VAX2: variants seen among roughly 807,000 people sequenced by gnomAD.
VAX2 encodes ventral anterior homeobox 2.
VAX2 carries 8 observed loss-of-function variants against 12.5 expected under a neutral mutation model. The observed-to-expected ratio is 0.64, with a 90% CI of 0.37 to 1.15. VAX2 has a LOEUF of 1.15. VAX2 is among the 50% of genes most tolerant of loss of function. The pLI is 0.01. For missense variants in VAX2, 476 were observed against 412.9 expected, an observed-to-expected ratio of 1.15 and a Z score of -1.32; for synonymous variants, 183 against 187.6, an observed-to-expected ratio of 0.98 and a Z score of 0.20.
chr2:70,905,704 C>T (rs1463661329), intron 1 of VAX2, among the ~76,000 whole-genome samples: 2 of 152,142 alleles, frequency 1.3e-5, no homozygotes, highest in Non-Finnish European at 2.9e-5. Context: ...CAGGGATGGT[C>T]CCCCAGGTAG....
intron 1 of VAX2, among the ~76,000 whole-genome samples, chr2:70,914,803 A>AT (rs34964280): frequency 0.19 from 26,724 of 140,648 alleles, 2,537 homozygotes; most frequent in Admixed American, 0.24. Context: ...ATTTACTTAA[A>AT]TTTTTTTTTT....
rs1036666702 is a variant in VAX2 at position 70,904,331 on chromosome 2, G to A, written c.247+3463G>A. Among the ~76,000 whole-genome samples, 1 of 152,200 alleles carries A rather than the reference G, an allele frequency of 6.6e-6. No individual in the cohort carries two copies. The highest frequency in any genetic ancestry group is 1.5e-5 in the Non-Finnish European group (1 of 68,042). On this transcript the variant is annotated intron_variant, in intron 1 of 2. Coordinates refer to ENST00000234392, the MANE Select transcript of VAX2 (RefSeq NM_012476.3). This position sits in a 1 kb window ranked among gnomAD's most constrained non-coding sequence, Gnocchi z 4.2. ...TGGCCGAGCACCAGGCTTTTCGGTG[G>A]AGCTGGGATACCAGCAGGCAGAAGA...
chr2:70,927,979 C>T (rs1219892070), intron 2 of VAX2, among the ~76,000 whole-genome samples: 1 of 152,134 alleles, frequency 6.6e-6, no homozygotes, highest in African/African-American at 2.4e-5. Flanking sequence ...GGCCCCGCCA[C>T]CCTGTGAAGT....
At chr2:70,903,612 A>G (rs1014661551) in intron 1 of VAX2, among the ~76,000 whole-genome samples, 1 of 152,228 alleles carries the variant, frequency 6.6e-6, no homozygotes, top group South Asian at 2.1e-4. Context: ...CTTATCTTAA[A>G]GGACTTGCCA....
chr2:70,933,395 AGT>A lies in VAX2; in HGVS notation c.*200_*201del, dbSNP rs1225101657. 4 of 443,910 alleles carry A rather than the reference AGT, an allele frequency of 9.0e-6. No homozygotes were observed. The highest frequency in any genetic ancestry group is 7.7e-6 in the Non-Finnish European group (2 of 260,092). The allele number at this position is 443,910 out of a possible 1,614,324, so 27.5% of individuals were successfully genotyped here. A position where few individuals can be genotyped will look rare whatever the true frequency, so the allele number is the denominator to read the frequency against. On this transcript the variant is annotated 3_prime_UTR_variant, in exon 3 of 3. Coordinates refer to ENST00000234392, the MANE Select transcript of VAX2 (RefSeq NM_012476.3). ...AGCTTGTGTGCGTGAGTGCAGTGTGAGTGTGTGTGTCTCTCACTGAAATAAAA... is the reference window on the plus strand; with the variant it reads ...AGCTTGTGTGCGTGAGTGCAGTGTGAGTGTGTGTCTCTCACTGAAATAAAA...
chr2:70,930,109 G>C (rs1233557939), intron 2 of VAX2, among the ~76,000 whole-genome samples: 1 of 152,208 alleles, frequency 6.6e-6, no homozygotes, highest in Non-Finnish European at 1.5e-5. Flanking sequence ...GAGGCAAGAG[G>C]ATCACTTGAG....
chr2:70,931,216 G>A (rs1201084350), intron 2 of VAX2, among the ~76,000 whole-genome samples: 1 of 152,208 alleles, frequency 6.6e-6, no homozygotes, highest in Non-Finnish European at 1.5e-5. Context: ...TTGGGTAGTA[G>A]AGGCAGGGCC....
At chr2:70,926,747 G>A (rs1553413592) in intron 2 of VAX2, among the ~76,000 whole-genome samples, 1 of 152,164 alleles carries the variant, frequency 6.6e-6, no homozygotes, top group South Asian at 2.1e-4. Flanking sequence ...ACCAGATGAT[G>A]TGATCACCAT....
chr2:70,917,764 TTG>T (rs1679342109), intron 1 of VAX2, among the ~76,000 whole-genome samples: 1 of 152,118 alleles, frequency 6.6e-6, no homozygotes, highest in African/African-American at 2.4e-5. Flanking sequence ...CTTTTAGGTC[TTG>T]TATAAAGAGG....
chr2:70,924,564 TG>T (rs1187740754), intron 2 of VAX2, among the ~76,000 whole-genome samples: 2 of 152,100 alleles, frequency 1.3e-5, no homozygotes, highest in Non-Finnish European at 2.9e-5. Context: ...ATAGATAACT[TG>T]CTCAAGACTT....
At chr2:70,912,918 G>T (rs978044915) in intron 1 of VAX2, among the ~76,000 whole-genome samples, 4 of 146,132 alleles carry the variant, frequency 2.7e-5, no homozygotes, top group Non-Finnish European at 5.9e-5. Context: ...GACTTGAGGG[G>T]TAGCAAAATG....
chr2:70,917,257 G>A (rs1679327683), intron 1 of VAX2, among the ~76,000 whole-genome samples: 1 of 151,896 alleles, frequency 6.6e-6, no homozygotes, highest in African/African-American at 2.4e-5. Flanking sequence ...GGGAGGTGGA[G>A]GTTGCAGTGA....
chr2:70,933,200 C>T lies in VAX2; in HGVS notation c.869C>T (p.Thr290Ile), dbSNP rs1362234809. 2.0e-6 allele frequency: 3 copies of T among 1,518,012 alleles called. No individual in the cohort carries two copies. Among genetic ancestry groups the T allele is most frequent in the Non-Finnish European group, 2.6e-6 (3 of 1,133,564 alleles). 94.0% of individuals were successfully genotyped at this position (1,518,012 alleles called of 1,614,324 possible). ...GCCAGCAGCTGCAAGAAAGCTAACACTTAAGACTCCCACCCTGTGACACTG... is the reference window on the plus strand; with the variant it reads ...GCCAGCAGCTGCAAGAAAGCTAACATTTAAGACTCCCACCCTGTGACACTG... ...GSASSCKKAN[T>I] Residue 290 changes from threonine to isoleucine, a missense_variant, in exon 3 of 3, where the codon ACT (threonine) becomes ATT (isoleucine). Physicochemically the swap from Thr to Ile is moderately conservative, Grantham distance 89 (BLOSUM62 -1). Transcript: ENST00000234392.
chr2:70,901,768 G>C (rs1365494027), intron 1 of VAX2, among the ~76,000 whole-genome samples: 1 of 152,232 alleles, frequency 6.6e-6, no homozygotes, highest in African/African-American at 2.4e-5. Context: ...AGGAGAAAGG[G>C]GACTCCGGGG....
At chr2:70,914,839 A>G (rs938491949) in intron 1 of VAX2, among the ~76,000 whole-genome samples, 1 of 144,148 alleles carries the variant, frequency 6.9e-6, no homozygotes. Context: ...GTCTCACGGT[A>G]TTGCCAGGCT....
At chr2:70,909,205 A>T (rs1553410937) in intron 1 of VAX2, among the ~76,000 whole-genome samples, 2 of 152,080 alleles carry the variant, frequency 1.3e-5, no homozygotes, top group Non-Finnish European at 2.9e-5. Flanking sequence ...TCACTCTGTC[A>T]CCCAGGCTGG....
intron 2 of VAX2, 65 bp downstream of exon 2, chr2:70,921,350 A>C (rs1679454642): frequency 1.4e-6 from 2 of 1,475,116 alleles, no homozygotes. Context: ...TGGGGATATG[A>C]GGCCCTGTGA....
chr2:70,905,263 G>A (rs1398072865), intron 1 of VAX2, among the ~76,000 whole-genome samples: 1 of 152,178 alleles, frequency 6.6e-6, no homozygotes, highest in Non-Finnish European at 1.5e-5. Context: ...GTTCATGCAA[G>A]GAATTGCACT....
Position 70,933,049 on chromosome 2 carries a change from C to A in VAX2, c.718C>A (p.Pro240Thr). Reference sequence around the variant, plus strand: ...GCTGTCCTCGGCCTCAGCGTCCCCCCCACTGCCGCCCCCTCTGCCAGCTGT... The same window carrying A: ...GCTGTCCTCGGCCTCAGCGTCCCCCACACTGCCGCCCCCTCTGCCAGCTGT... ...NPLSSASASPPLPPPLPAVCF... is the reference protein window; with the variant it reads ...NPLSSASASPTLPPPLPAVCF... Residue 240 changes from proline to threonine, a missense_variant, in exon 3 of 3, where the codon CCA (proline) becomes ACA (threonine). Pro to Thr is a conservative substitution (Grantham distance 38, BLOSUM62 -1). Coordinates refer to ENST00000234392, the MANE Select transcript of VAX2 (RefSeq NM_012476.3). 3 of 1,602,760 alleles carry A rather than the reference C, an allele frequency of 1.9e-6. No homozygotes were observed. Among genetic ancestry groups the A allele is most frequent in the South Asian group, 1.1e-5 (1 of 89,236 alleles).
Sources: allele counts gnomAD v4.1 joint callset (sites outside exome capture counted in the v4.1 genomes callset), GRCh38; gene constraint gnomAD v4.1.1; non-coding constraint Gnocchi (gnomAD v3.1); transcripts MANE v1.5; gene names NCBI Gene and HGNC (gene_info 2026-07-23, HGNC 2026-07-21).